Variants in CRK observed in about 807,000 individuals in gnomAD.
The protein encoded by CRK is CRK proto-oncogene, adaptor protein.
A neutral mutation model predicts 29.8 loss-of-function variants in CRK; 4 were observed. The observed-to-expected ratio is 0.13, with a 90% CI of 0.07 to 0.31. The LOEUF (loss-of-function observed/expected upper bound fraction) is 0.31. CRK is among the 10% of genes least tolerant of loss of function. The probability of loss-of-function intolerance (pLI) is 1.00; values close to 1 mark genes in which losing one functional copy is unlikely to be tolerated. For synonymous variants in CRK, 153 were observed against 164.9 expected (o/e 0.93, Z 0.55); for missense variants, 274 against 396.5 (o/e 0.69, Z 2.62).
At chr17:1,448,396 A>AGTGGGT in intron 1 of CRK, among the ~76,000 whole-genome samples, 2 of 152,080 alleles carry the variant, frequency 1.3e-5, no homozygotes, top group Non-Finnish European at 2.9e-5. Context: ...TGGCAGAGCC[A>AGTGGGT]GGCAAATCAC....
chr17:1,442,069 C>A (rs924230866), intron 1 of CRK, among the ~76,000 whole-genome samples: 1 of 151,544 alleles, frequency 6.6e-6, no homozygotes, highest in South Asian at 2.1e-4. Context: ...GTTGCCCAGG[C>A]TGGTCTTGAA....
At chr17:1,429,289 T>C (rs1299719633) in intron 2 of CRK, among the ~76,000 whole-genome samples, 1 of 151,672 alleles carries the variant, frequency 6.6e-6, no homozygotes, top group African/African-American at 2.4e-5. Context: ...TCCAGGGTTT[T>C]TTTTTCTTTT....
chr17:1,440,538 G>C (rs2150907757), intron 1 of CRK, among the ~76,000 whole-genome samples: 1 of 152,212 alleles, frequency 6.6e-6, no homozygotes, highest in Non-Finnish European at 1.5e-5. Flanking sequence ...CCAGCACTTT[G>C]GGAGGCCAAG....
Position 1,456,165 on chromosome 17 carries a change from C to A in CRK, c.-48G>T. The A allele has an allele frequency of 7.1e-7, 1 of 1,402,994 alleles. No individual in the cohort carries two copies. Among genetic ancestry groups the A allele is most frequent in the Non-Finnish European group, 9.2e-7 (1 of 1,082,526 alleles). The allele number at this position is 1,402,994 out of a possible 1,614,324, so 86.9% of individuals were successfully genotyped here. ...TGGGGTGCCGCCGCCGCGCGCGCCC[C>A]TCCGGCCCCCGGCGCCCGCCGCCCA... On this transcript the variant is annotated 5_prime_UTR_variant, in exon 1 of 3. In the 5' UTR this introduces an upstream ATG that the reference lacks. Transcript: ENST00000300574.
In CRK at chr17:1,456,193, G is replaced by C. The variant is rs943701956; in HGVS notation, c.-76C>G. The C allele has an allele frequency of 9.6e-6, 13 of 1,356,806 alleles. No homozygotes were observed. Among genetic ancestry groups the C allele is most frequent in the Admixed American group, 4.1e-5 (1 of 24,164 alleles). The allele number at this position is 1,356,806 out of a possible 1,614,324, so 84.0% of individuals were successfully genotyped here. Reference sequence around the variant, plus strand: ...CGGCCCCCGGCGCCCGCCGCCCAGCGGACCGGCTCCGGTTTCAGCTTCACA... The same window carrying C: ...CGGCCCCCGGCGCCCGCCGCCCAGCCGACCGGCTCCGGTTTCAGCTTCACA... On this transcript the variant is annotated 5_prime_UTR_variant, in exon 1 of 3. Transcript: ENST00000300574.
At chr17:1,446,407 T>C (rs1015194857) in intron 1 of CRK, among the ~76,000 whole-genome samples, 1 of 152,122 alleles carries the variant, frequency 6.6e-6, no homozygotes, top group African/African-American at 2.4e-5. Flanking sequence ...CCAGCCACTG[T>C]TACCATAGCA....
At chr17:1,427,308 T>C (rs1439437726) in intron 2 of CRK, among the ~76,000 whole-genome samples, 1 of 144,654 alleles carries the variant, frequency 6.9e-6, no homozygotes, top group Admixed American at 6.9e-5. Flanking sequence ...AAAAAAAGAA[T>C]CTTGGCCGGG....
chr17:1,451,844 G>A (rs1283039234), intron 1 of CRK, among the ~76,000 whole-genome samples: 1 of 151,988 alleles, frequency 6.6e-6, no homozygotes, highest in Non-Finnish European at 1.5e-5. Flanking sequence ...AATTAGCTGG[G>A]CACAGTGGCA....
intron 1 of CRK, among the ~76,000 whole-genome samples, chr17:1,447,304 T>C (rs2073982988): frequency 6.6e-6 from 1 of 151,802 alleles, no homozygotes; most frequent in Admixed American, 6.6e-5. Context: ...CTCAATGACT[T>C]GTTCTACATC....
intron 1 of CRK, among the ~76,000 whole-genome samples, chr17:1,441,704 C>T (rs1022855266): frequency 2.0e-5 from 3 of 151,992 alleles, no homozygotes; most frequent in East Asian, 3.9e-4. Flanking sequence ...CTTGGCCAGG[C>T]TGGTCTACAA....
chr17:1,435,386 G>A (rs1182951332), intron 2 of CRK, among the ~76,000 whole-genome samples: 1 of 151,494 alleles, frequency 6.6e-6, no homozygotes, highest in Non-Finnish European at 1.5e-5. Context: ...TCAACCCAGT[G>A]CTAATAAAGT....
chr17:1,426,853 C>CTCT (rs72260168), intron 2 of CRK, among the ~76,000 whole-genome samples: 1 of 10,600 alleles, frequency 9.4e-5, no homozygotes, highest in African/African-American at 1.5e-3. Flanking sequence ...CAGAGTTACA[C>CTCT]TGTCTCAAAA....
chr17:1,432,933 T>G (rs1202309854), intron 2 of CRK, among the ~76,000 whole-genome samples: 1 of 152,144 alleles, frequency 6.6e-6, no homozygotes, highest in Non-Finnish European at 1.5e-5. Flanking sequence ...ATAACAAGCA[T>G]CCTTTCATCT....
intron 1 of CRK, among the ~76,000 whole-genome samples, chr17:1,440,971 C>A (rs186322894): frequency 9.5e-4 from 144 of 152,332 alleles, no homozygotes; most frequent in Non-Finnish European, 1.8e-3. Flanking sequence ...ACAGAGTGGT[C>A]TGGCTCTGTC....
chr17:1,423,334 C>T lies in CRK; in HGVS notation c.*179G>A. The T allele has an allele frequency of 1.3e-6, 1 of 785,678 alleles. No individual in the cohort carries two copies. Among genetic ancestry groups the T allele is most frequent in the South Asian group, 2.0e-5 (1 of 49,974 alleles). The allele number at this position is 785,678 out of a possible 1,614,324, so 48.7% of individuals were successfully genotyped here. A position where few individuals can be genotyped will look rare whatever the true frequency, so the allele number is the denominator to read the frequency against. ...TAACACACAAGCCCTCCAGTTCGTA[C>T]CCTGAATATGGTAATTAAGACTAGG... is the stretch of plus-strand genomic sequence containing the variant. On this transcript the variant is annotated 3_prime_UTR_variant, in exon 3 of 3. Coordinates refer to ENST00000300574, the MANE Select transcript of CRK (RefSeq NM_016823.4).
Position 1,439,674 on chromosome 17 carries a change from A to T in CRK, c.242-2519T>A, listed in dbSNP as rs1226148071. Among the ~76,000 whole-genome samples the T allele has an allele frequency of 2.6e-5, 4 of 151,766 alleles. No individual in the cohort carries two copies. The East Asian group carries it at 7.8e-4, about 30-fold the overall frequency. ...GACCAACCCGGGCAACATGGCTGTC[A>T]CTGCAAAAAACTTAAAAAATTAGCT... On this transcript the variant is annotated intron_variant, in intron 1 of 2. Transcript: ENST00000300574.
Position 1,444,327 on chromosome 17 carries a change from G to A in CRK, c.242-7172C>T, listed in dbSNP as rs553394181. ...GACCTAATTATTTCGTTCAATGTTAGAAACATCCTGGCTAACACACAGTAA... is the reference window on the plus strand; with the variant it reads ...GACCTAATTATTTCGTTCAATGTTAAAAACATCCTGGCTAACACACAGTAA... On this transcript the variant is annotated intron_variant, in intron 1 of 2. Transcript: ENST00000300574. 3.9e-5 allele frequency among the ~76,000 whole-genome samples: 6 copies of A among 152,206 alleles called. No individual in the cohort carries two copies. The East Asian group carries it at 1.2e-3, about 29-fold the overall frequency.
intron 1 of CRK, among the ~76,000 whole-genome samples, chr17:1,438,181 G>C (rs1438477214): frequency 2.0e-5 from 3 of 152,062 alleles, no homozygotes; most frequent in Admixed American, 6.6e-5. Context: ...TCAAGCTGGA[G>C]TGCAGTGGCA....
At chr17:1,450,369 T>C (rs1008931721) in intron 1 of CRK, among the ~76,000 whole-genome samples, 1 of 151,732 alleles carries the variant, frequency 6.6e-6, no homozygotes, top group Non-Finnish European at 1.5e-5. Context: ...TAGCCGGGCA[T>C]AGTGGCGGGC....
Sources: gnomAD v4.1 joint callset for allele counts (sites outside exome capture counted in the v4.1 genomes callset) on GRCh38, gnomAD v4.1.1 for gene constraint, MANE v1.5 for transcripts, NCBI Gene and HGNC (gene_info 2026-07-23, HGNC 2026-07-21) for gene names.